Variants in RAD54L2 observed in about 807,000 individuals in gnomAD.
RAD54L2 encodes helicase ARIP4.
RAD54L2 carries 27 observed loss-of-function variants against 138.4 expected under a neutral mutation model. The ratio of observed to expected loss-of-function variants is 0.20; its 90% CI spans 0.14 to 0.27. The LOEUF (loss-of-function observed/expected upper bound fraction) is 0.27, where lower values mean the gene tolerates loss of function less well. Among genes scored for constraint, RAD54L2 ranks in the 10% least tolerant of loss-of-function variants. The pLI is 1.00. For synonymous variants in RAD54L2, 644 were observed against 723.2 expected (o/e 0.89, Z 1.76); for missense variants, 1,396 against 1,890.2 (o/e 0.74, Z 4.85).
chr3:51,553,221 G>A (rs1272682987), intron 2 of RAD54L2, among the ~76,000 whole-genome samples: 1 of 152,010 alleles, frequency 6.6e-6, no homozygotes, highest in African/African-American at 2.4e-5. Flanking sequence ...GGGACTACAG[G>A]TGCCCACTAC....
intron 2 of RAD54L2, among the ~76,000 whole-genome samples, chr3:51,558,269 C>A (rs933169249): frequency 2.6e-5 from 4 of 151,976 alleles, no homozygotes; most frequent in African/African-American, 9.7e-5. Context: ...TGTGACCTGC[C>A]CTTATCTGTC....
At chr3:51,579,552 A>G (rs1699561376) in intron 2 of RAD54L2, among the ~76,000 whole-genome samples, 1 of 152,192 alleles carries the variant, frequency 6.6e-6, no homozygotes, top group African/African-American at 2.4e-5. Flanking sequence ...ACAGTATCTG[A>G]AACAAATTTG....
chr3:51,597,784 T>C (rs1274009747), intron 3 of RAD54L2, among the ~76,000 whole-genome samples: 2 of 151,868 alleles, frequency 1.3e-5, no homozygotes, highest in Admixed American at 6.6e-5. Context: ...GCCGAGATCG[T>C]GCCATTGCAC....
At chr3:51,589,683 TACACACACACACAC>T (rs34544597) in intron 2 of RAD54L2, among the ~76,000 whole-genome samples, 1 of 144,774 alleles carries the variant, frequency 6.9e-6, no homozygotes, top group Non-Finnish European at 1.5e-5. Context: ...TATATATATA[TACACACACACACAC>T]ACACACACAC....
At chr3:51,644,011 G>C (rs764576760) in intron 16 of RAD54L2, 37 bp downstream of exon 16, 20 of 1,516,758 alleles carry the variant, frequency 1.3e-5, no homozygotes, top group Non-Finnish European at 1.8e-5. Context: ...AAAGGAATCT[G>C]TTCAGGCAGT....
chr3:51,573,939 T>A (rs1699400552), intron 2 of RAD54L2, among the ~76,000 whole-genome samples: 1 of 152,116 alleles, frequency 6.6e-6, no homozygotes, highest in Non-Finnish European at 1.5e-5. Context: ...GTTGGTGTGC[T>A]GCACCCATTA....
chr3:51,654,505 T>C (rs1008978641), intron 19 of RAD54L2, among the ~76,000 whole-genome samples: 7 of 152,180 alleles, frequency 4.6e-5, no homozygotes, highest in African/African-American at 1.2e-4. Context: ...CTTGGCAACA[T>C]AGTGGGACTC....
chr3:51,662,299 G>T lies in RAD54L2; in HGVS notation c.3410-127G>T. 1.2e-6 allele frequency: 1 copy of T among 818,730 alleles called. No homozygotes were observed. The highest frequency in any genetic ancestry group is 1.8e-6 in the Non-Finnish European group (1 of 561,082). The allele number at this position is 818,730 out of a possible 1,614,324, so 50.7% of individuals were successfully genotyped here. ...TGGAAAAGGTTGACTGGGTGATGTT[G>T]TTCAGACATCAAACTATTAGAATTT... On this transcript the variant is annotated intron_variant, in intron 22 of 22. Coordinates refer to ENST00000684192, the MANE Select transcript of RAD54L2 (RefSeq NM_015106.4). The surrounding 1 kb of genome is among the most constrained non-coding windows in gnomAD (Gnocchi z 4.6).
intron 2 of RAD54L2, among the ~76,000 whole-genome samples, chr3:51,559,437 G>C (rs1266787563): frequency 6.6e-6 from 1 of 152,126 alleles, no homozygotes; most frequent in Non-Finnish European, 1.5e-5. Context: ...CTTACACTTG[G>C]TAACTCGGTG....
rs1328356282 is a variant in RAD54L2, at chr3:51,662,668, A to C, written c.3652A>C (p.Thr1218Pro). The C allele has an allele frequency of 6.2e-7, 1 of 1,613,674 alleles. No individual in the cohort carries two copies. Among genetic ancestry groups the C allele is most frequent in the East Asian group, 2.2e-5 (1 of 44,866 alleles). ...TATGGACAGCAGTGCTGTTCCCGGG[A>C]CAGCTCTCGGAACTGAGCCTCGACT... ...QLMDSSAVPG[T>P]ALGTEPRLGG... is the part of the protein sequence containing the mutation. Residue 1218 changes from threonine to proline, a missense_variant, in exon 23 of 23, where the codon ACA becomes CCA. Physicochemically the swap from Thr to Pro is conservative, Grantham distance 38. This residue lies in a region of RAD54L2 where 634 missense variants were observed against 711.2 expected (regional missense o/e 0.89). Coordinates refer to ENST00000684192, the MANE Select transcript of RAD54L2 (RefSeq NM_015106.4). This position sits in a 1 kb window ranked among gnomAD's most constrained non-coding sequence, Gnocchi z 4.6.
chr3:51,638,235 A>G lies in RAD54L2; in HGVS notation c.1774A>G (p.Thr592Ala), dbSNP rs758040458. ...CTCCAAGATCCAGCGAGATTTGTATACACAGTTCATGGATCGCTTCCGGGA... is the reference window on the plus strand; with the variant it reads ...CTCCAAGATCCAGCGAGATTTGTATGCACAGTTCATGGATCGCTTCCGGGA... ...RLSKIQRDLYTQFMDRFRDCG... is the reference protein window; with the variant it reads ...RLSKIQRDLYAQFMDRFRDCG... Residue 592 changes from threonine (T) to alanine (A), a missense_variant, in exon 12 of 23, where the codon ACA becomes GCA. Physicochemically the swap from Thr to Ala is moderately conservative, Grantham distance 58 (BLOSUM62 0). Coordinates refer to ENST00000684192, the MANE Select transcript of RAD54L2 (RefSeq NM_015106.4). The surrounding 1 kb of genome is among the most constrained non-coding windows in gnomAD (Gnocchi z 4.3). 1.2e-6 allele frequency: 2 copies of G among 1,613,992 alleles called. No individual in the cohort carries two copies. Among genetic ancestry groups the G allele is most frequent in the Non-Finnish European group, 8.5e-7 (1 of 1,179,882 alleles).
chr3:51,581,020 C>T (rs760915849), intron 2 of RAD54L2, among the ~76,000 whole-genome samples: 1 of 152,038 alleles, frequency 6.6e-6, no homozygotes, highest in Non-Finnish European at 1.5e-5. Context: ...ATAGAAACAA[C>T]CTATATACCA....
rs755712506 is a variant in RAD54L2, at chr3:51,643,862, C to T, written c.2351-13C>T. 15 of 1,583,102 alleles carry T rather than the reference C, an allele frequency of 9.5e-6. No individual in the cohort carries two copies. The South Asian group carries it at 1.3e-4, about 13-fold the overall frequency. On this transcript the variant is annotated splice_polypyrimidine_tract_variant and intron_variant, in intron 15 of 22. Transcript: ENST00000684192. ...TAATATATCCACTGCTTATGGTTTT[C>T]CTTCCTTCCTAGGGCTAGATGGTAG...
chr3:51,594,066 C>CTTTTTTTTTTTTTTTTTTTTTTTTTTT (rs904101025), intron 3 of RAD54L2, among the ~76,000 whole-genome samples: 3 of 105,138 alleles, frequency 2.9e-5, no homozygotes, highest in Admixed American at 9.9e-5. Flanking sequence ...TTTTCTTTTT[C>CTTTTTTTTTTTTTTTTTTTTTTTTTTT]TTTTTTTTTT....
intron 1 of RAD54L2, chr3:51,541,075 T>C (rs1698537139): frequency 1.3e-5 from 2 of 151,756 alleles, no homozygotes; most frequent in South Asian, 4.2e-4. Context: ...TAGTATTCTT[T>C]CTCTTTCTCC....
intron 2 of RAD54L2, among the ~76,000 whole-genome samples, chr3:51,585,105 C>T (rs1358083853): frequency 6.6e-6 from 1 of 152,070 alleles, no homozygotes; most frequent in Non-Finnish European, 1.5e-5. Context: ...GCCACTATGC[C>T]TGGCCTGTTT....
chr3:51,558,411 T>C (rs1699022493), intron 2 of RAD54L2, among the ~76,000 whole-genome samples: 1 of 152,122 alleles, frequency 6.6e-6, no homozygotes, highest in Admixed American at 6.6e-5. Flanking sequence ...TAAATATCAA[T>C]TTCATTTCAA....
At chr3:51,639,221 G>C in intron 12 of RAD54L2, 198 bp from the exon 13 acceptor site, 1 of 601,842 alleles carries the variant, frequency 1.7e-6, no homozygotes, top group Middle Eastern at 4.4e-4. Flanking sequence ...TGCCATTCAT[G>C]TGTCATGGTG....
In RAD54L2 at chr3:51,637,593, G is replaced by A. The variant is rs1265093847; in HGVS notation, c.1682+90G>A. Reference sequence around the variant, plus strand: ...AACCTGTTATACAGGATAGGGTGTTGGAGTAGGAGGGCCCCTTCCCTGGGG... The same window carrying A: ...AACCTGTTATACAGGATAGGGTGTTAGAGTAGGAGGGCCCCTTCCCTGGGG... On this transcript the variant is annotated intron_variant, in intron 11 of 22. Transcript: ENST00000684192. This position sits in a 1 kb window ranked among gnomAD's most constrained non-coding sequence, Gnocchi z 5.9. 2 of 1,283,722 alleles carry A rather than the reference G, an allele frequency of 1.6e-6. No homozygotes were observed. Among genetic ancestry groups the A allele is most frequent in the Non-Finnish European group, 2.1e-6 (2 of 945,854 alleles). The allele number at this position is 1,283,722 out of a possible 1,614,324, so 79.5% of individuals were successfully genotyped here. A position where few individuals can be genotyped will look rare whatever the true frequency, so the allele number is the denominator to read the frequency against.
Sources: allele counts gnomAD v4.1 joint callset (sites outside exome capture counted in the v4.1 genomes callset), GRCh38; gene constraint gnomAD v4.1.1; regional missense constraint gnomAD v4.1.1; non-coding constraint Gnocchi (gnomAD v3.1); transcripts MANE v1.5; gene names NCBI Gene and HGNC (gene_info 2026-07-23, HGNC 2026-07-21).